The following TENM2 variants were observed in gnomAD, a reference collection of about 807,000 sequenced individuals.
The protein encoded by TENM2 is teneurin transmembrane protein 2, also known as teneurin-2.
TENM2 carries 52 observed loss-of-function variants against 245.2 expected under a neutral mutation model. The ratio of observed to expected loss-of-function variants is 0.21; its 90% CI spans 0.17 to 0.27. The LOEUF (loss-of-function observed/expected upper bound fraction) is 0.27. Ranked by LOEUF, TENM2 falls within the 10% of genes least tolerant of loss-of-function variation. TENM2 has a pLI of 1.00. For missense variants in TENM2, 3,046 were observed against 3,666.8 expected (o/e 0.83, Z 4.37); for synonymous variants, 1,363 against 1,438.9 (o/e 0.95, Z 1.19).
the TENM2 span, among the ~76,000 whole-genome samples, chr5:167,057,789 C>A: frequency 6.6e-6 from 1 of 152,170 alleles, no homozygotes; most frequent in Non-Finnish European, 1.5e-5. Flanking sequence ...TAGTTCCTTT[C>A]CTCCTTCCCC....
chr5:167,326,719 AT>A (rs1757108648), intron 1 of TENM2, among the ~76,000 whole-genome samples: 1 of 147,904 alleles, frequency 6.8e-6, no homozygotes, highest in African/African-American at 2.5e-5. Context: ...ATATATATAT[AT>A]ATAAAATAAA....
chr5:167,690,958 TGTGTGTGTGTGTAG>T (rs1739230482), intron 2 of TENM2, among the ~76,000 whole-genome samples: 3 of 145,198 alleles, frequency 2.1e-5, no homozygotes, highest in Admixed American at 2.1e-4. Context: ...TGTGTGTGTG[TGTGTGTGTGTGTAG>T]AGAGAGAGAG....
chr5:168,165,398 G>A (rs1013045560), intron 13 of TENM2, among the ~76,000 whole-genome samples: 3 of 151,948 alleles, frequency 2.0e-5, no homozygotes, highest in Non-Finnish European at 4.4e-5. Context: ...TCCCTTCCCC[G>A]TTCCTGGTGT....
intron 2 of TENM2, among the ~76,000 whole-genome samples, chr5:167,608,392 C>T (rs922148623): frequency 6.6e-6 from 1 of 152,132 alleles, no homozygotes; most frequent in Admixed American, 6.5e-5. Context: ...TGAAAGTAGG[C>T]CATGTGCACC....
chr5:168,254,445 AGAGGAAGAGGAAGAAGGG>A (rs1191090930), intron 27 of TENM2, among the ~76,000 whole-genome samples: 1,515 of 150,364 alleles, frequency 0.01, 28 homozygotes, highest in African/African-American at 0.034. Flanking sequence ...AAGGGGAGGG[AGAGGAAGAGGAAGAAGGG>A]GAGGAAGAGG....
chr5:167,842,967 G>C (rs1346238732), intron 2 of TENM2, among the ~76,000 whole-genome samples: 1 of 152,152 alleles, frequency 6.6e-6, no homozygotes, highest in Non-Finnish European at 1.5e-5. Flanking sequence ...TTTAGGACAC[G>C]ATGAAATGCC....
chr5:167,726,854 C>T (rs540195241), intron 2 of TENM2, among the ~76,000 whole-genome samples: 1 of 152,226 alleles, frequency 6.6e-6, no homozygotes, highest in Non-Finnish European at 1.5e-5. Context: ...GCCACAGATG[C>T]CTGCAACATT....
At chr5:167,397,259 G>C (rs1430583040) in intron 2 of TENM2, among the ~76,000 whole-genome samples, 1 of 151,830 alleles carries the variant, frequency 6.6e-6, no homozygotes, top group African/African-American at 2.4e-5. Flanking sequence ...AGAAAGGAAA[G>C]AGAAAGGAAA....
At chr5:167,154,523 T>C in the TENM2 span, among the ~76,000 whole-genome samples, 1 of 152,320 alleles carries the variant, frequency 6.6e-6, no homozygotes, top group South Asian at 2.1e-4. Context: ...TGGGACATTA[T>C]CTCAACTGAT....
At chr5:167,612,012 T>G (rs557409314) in intron 2 of TENM2, among the ~76,000 whole-genome samples, 2 of 152,304 alleles carry the variant, frequency 1.3e-5, no homozygotes, top group Admixed American at 6.5e-5. Context: ...TTGACTCCTT[T>G]GATCCGTATT....
At chr5:167,640,704 C>G (rs1779498337) in intron 2 of TENM2, among the ~76,000 whole-genome samples, 1 of 150,002 alleles carries the variant, frequency 6.7e-6, no homozygotes, top group East Asian at 2.0e-4. Flanking sequence ...CACTTAGTAA[C>G]ACAGTATAAA....
chr5:167,661,823 T>C (rs1755226845), intron 2 of TENM2, among the ~76,000 whole-genome samples: 1 of 152,244 alleles, frequency 6.6e-6, no homozygotes, highest in Non-Finnish European at 1.5e-5. Flanking sequence ...TAGATGGATC[T>C]CAAACAGGCC....
chr5:167,741,800 G>A (rs1016445802), intron 2 of TENM2, among the ~76,000 whole-genome samples: 1 of 152,094 alleles, frequency 6.6e-6, no homozygotes. Flanking sequence ...CATTCCCAAT[G>A]TATCTAAAAG....
intron 2 of TENM2, among the ~76,000 whole-genome samples, chr5:167,843,295 G>T (rs1561845106): frequency 2.0e-5 from 3 of 152,176 alleles, no homozygotes; most frequent in South Asian, 2.1e-4. Context: ...ATTTGAGGAC[G>T]TTTTTGTTTG....
intron 2 of TENM2, among the ~76,000 whole-genome samples, chr5:167,487,984 G>A (rs1768187030): frequency 6.6e-6 from 1 of 152,088 alleles, no homozygotes; most frequent in African/African-American, 2.4e-5. Context: ...TAGAGAAAAT[G>A]GAGATTACCT....
At chr5:167,477,159 A>T (rs1767436985) in intron 2 of TENM2, among the ~76,000 whole-genome samples, 2 of 152,140 alleles carry the variant, frequency 1.3e-5, no homozygotes, top group Non-Finnish European at 2.9e-5. Flanking sequence ...TATTTTTTAA[A>T]TGTACTCAAG....
At chr5:167,231,178 G>C in the TENM2 span, among the ~76,000 whole-genome samples, 1 of 152,154 alleles carries the variant, frequency 6.6e-6, no homozygotes, top group Non-Finnish European at 1.5e-5. Flanking sequence ...CATGAGAATG[G>C]AATAATACAG....
intron 12 of TENM2, among the ~76,000 whole-genome samples, chr5:168,147,175 T>C (rs1756168150): frequency 6.6e-6 from 1 of 152,248 alleles, no homozygotes; most frequent in African/African-American, 2.4e-5. Context: ...TTCAAAACAA[T>C]TCAGAGTTAG....
intron 2 of TENM2, among the ~76,000 whole-genome samples, chr5:167,831,781 A>AAAC (rs1241402503): frequency 4.6e-5 from 7 of 151,936 alleles, no homozygotes; most frequent in South Asian, 2.1e-4. Context: ...TAATGGGAGG[A>AAAC]AACAACAACA....
Sources: allele counts gnomAD v4.1 joint callset (sites outside exome capture counted in the v4.1 genomes callset), GRCh38; gene constraint gnomAD v4.1.1; transcripts MANE v1.5; gene names NCBI Gene and HGNC (gene_info 2026-07-23, HGNC 2026-07-21).